The following SYN2 variants were observed in gnomAD, a reference collection of about 807,000 sequenced individuals.
SYN2 encodes the protein synapsin-2.
In SYN2, 19 loss-of-function variants were observed where a neutral mutation model predicts 50.9. The observed-to-expected ratio is 0.37, with a 90% CI of 0.26 to 0.55. The LOEUF (loss-of-function observed/expected upper bound fraction) is 0.55. Ranked by LOEUF, SYN2 falls within the 20% of genes least tolerant of loss-of-function variation. SYN2 has a pLI of 0.81. For synonymous variants in SYN2, 255 were observed against 224.9 expected (o/e 1.13, Z -1.20); for missense variants, 587 against 576.4 (o/e 1.02, Z -0.19).
chr3:12,128,374 A>G (rs974196828), intron 1 of SYN2, among the ~76,000 whole-genome samples: 3 of 152,124 alleles, frequency 2.0e-5, no homozygotes, highest in African/African-American at 4.8e-5. Context: ...TTCAATTTGG[A>G]GGAGAGTTAC....
intron 1 of SYN2, among the ~76,000 whole-genome samples, chr3:12,099,691 G>A (rs1182720811): frequency 1.3e-5 from 2 of 152,052 alleles, no homozygotes; most frequent in African/African-American, 4.8e-5. Flanking sequence ...TAGGCTGGGC[G>A]CAATGGCTCA....
At chr3:12,077,661 T>A (rs1695499799) in intron 1 of SYN2, among the ~76,000 whole-genome samples, 1 of 152,214 alleles carries the variant, frequency 6.6e-6, no homozygotes, top group East Asian at 1.9e-4. Flanking sequence ...TATTCCTTTC[T>A]ATGCTTGCAT....
intron 1 of SYN2, among the ~76,000 whole-genome samples, chr3:12,126,670 T>C (rs888910947): frequency 6.6e-6 from 1 of 152,242 alleles, no homozygotes; most frequent in Admixed American, 6.5e-5. Context: ...AGTAGTTGTA[T>C]GACCTTGAAC....
intron 11 of SYN2, chr3:12,185,225 ATAAAG>A (rs1327396503): frequency 5.1e-6 from 5 of 985,766 alleles, no homozygotes; most frequent in African/African-American, 1.7e-5. Context: ...AAACGATAGA[ATAAAG>A]TAACATTTCC....
rs572583206 is a variant in SYN2, at chr3:12,039,690, A to G, written c.377+34762A>G. On this transcript the variant is annotated intron_variant, in intron 1 of 12. Coordinates refer to ENST00000621198, the MANE Select transcript of SYN2 (RefSeq NM_133625.6). ...GCCATGAGTTATTTCTGATAAAGGT[A>G]GCTTTATGTATGTAGTAACAGAATT... 2.6e-5 allele frequency among the ~76,000 whole-genome samples: 4 copies of G among 151,532 alleles called. No individual in the cohort carries two copies. In the East Asian group the frequency reaches 7.8e-4, roughly 30 times the overall value.
intron 1 of SYN2, among the ~76,000 whole-genome samples, chr3:12,139,238 C>T (rs556121071): frequency 6.6e-6 from 1 of 152,198 alleles, no homozygotes; most frequent in Non-Finnish European, 1.5e-5. Flanking sequence ...AGGAAACAGC[C>T]TGGCCTCGTC....
chr3:12,087,908 C>G (rs1212039265), intron 1 of SYN2, among the ~76,000 whole-genome samples: 1 of 150,794 alleles, frequency 6.6e-6, no homozygotes, highest in Admixed American at 6.6e-5. Flanking sequence ...ACCTTTATCT[C>G]ACATCATATA....
intron 10 of SYN2, among the ~76,000 whole-genome samples, chr3:12,170,610 T>TC (rs142108131): frequency 0.012 from 1,800 of 152,246 alleles, 43 homozygotes; most frequent in African/African-American, 0.041. Context: ...TTCAAAAGTA[T>TC]CCCCAAAGTC....
chr3:12,118,749 G>C (rs1262642806), intron 1 of SYN2, among the ~76,000 whole-genome samples: 1 of 152,060 alleles, frequency 6.6e-6, no homozygotes, highest in Non-Finnish European at 1.5e-5. Context: ...CTTGGCAAAA[G>C]TTTAACACAG....
rs781269513 is a variant in SYN2, at chr3:12,162,117, C to T, written c.943C>T (p.Arg315Trp). 7.4e-6 allele frequency: 12 copies of T among 1,613,954 alleles called. No individual in the cohort carries two copies. The highest frequency in any genetic ancestry group is 2.7e-5 in the African/African-American group (2 of 74,890). The change falls in exon 7 of 13, where the codon CGG becomes TGG. Residue 315 changes from arginine to tryptophan, a missense_variant. Transcript: ENST00000621198. ...EPFIDSKYDI[R>W]VQKIGNNYKA... ...TTTCATTGACTCCAAGTATGACATC[C>T]GGGTCCAGAAGATTGGCAACAACTA...
intron 5 of SYN2, 87 bp downstream of exon 5, chr3:12,151,413 C>G (rs1697288677): frequency 2.0e-6 from 2 of 1,011,024 alleles, no homozygotes; most frequent in African/African-American, 1.6e-5. Flanking sequence ...TGAAAAGGGC[C>G]TCAGCATCTC....
chr3:12,044,275 A>G (rs1694690482), intron 1 of SYN2, among the ~76,000 whole-genome samples: 1 of 152,094 alleles, frequency 6.6e-6, no homozygotes, highest in South Asian at 2.1e-4. Context: ...GAACATGAAT[A>G]GCATGAGCAA....
Position 12,191,519 on chromosome 3 carries a change from T to C in SYN2, c.*894T>C, listed in dbSNP as rs146927643. ...GAGTGTAGGGAGTGAAAAATCTAGG[T>C]GTGTGAAGCTGTTTGTGTCAGTTTG... On this transcript the variant is annotated 3_prime_UTR_variant, in exon 13 of 13. Transcript: ENST00000621198. 5.3e-3 allele frequency: 812 copies of C among 152,176 alleles called. 2 individuals are homozygous for C. The highest frequency in any genetic ancestry group is 0.02 in the Middle Eastern group (6 of 296). The allele number at this position is 152,176 out of a possible 1,614,324, so 9.4% of individuals were successfully genotyped here. A position where few individuals can be genotyped will look rare whatever the true frequency, so the allele number is the denominator to read the frequency against.
At chr3:12,070,757 C>G in intron 1 of SYN2, 1 of 725,216 alleles carries the variant, frequency 1.4e-6, no homozygotes, top group African/African-American at 1.8e-5. Context: ...CTCCCCCATG[C>G]CGTCCTGCAT....
At chr3:12,063,815 A>G (rs1695159472) in intron 1 of SYN2, among the ~76,000 whole-genome samples, 1 of 151,912 alleles carries the variant, frequency 6.6e-6, no homozygotes, top group African/African-American at 2.4e-5. Flanking sequence ...ATAGGTCCAT[A>G]CTGATGCAAA....
rs376509823 is a variant in SYN2, at chr3:12,168,469, C to T, written c.1149C>T (p.Tyr383=). ...KAVHGKDGKD[Y]IFEVMDCSMP... ...TACATGGCAAAGATGGGAAAGACTA[C>T]ATTTTTGAGGTAAGTCTGGACCAAG... The change falls in exon 9 of 13, where the codon TAC becomes TAT. Residue 383 remains tyrosine (Y), a synonymous_variant. Coordinates refer to ENST00000621198, the MANE Select transcript of SYN2 (RefSeq NM_133625.6). 1.9e-6 allele frequency: 3 copies of T among 1,613,508 alleles called. No individual in the cohort carries two copies. The highest frequency in any genetic ancestry group is 2.7e-5 in the African/African-American group (2 of 74,916).
rs181733585 is a variant in SYN2 at position 12,164,937 on chromosome 3, G to T, written c.981-2297G>T. ...AGAGGTCATAGAGGTTATGGGACTG[G>T]CTTGAAACCAATTATATGAGGTTCA... On this transcript the variant is annotated intron_variant, in intron 7 of 12. Coordinates refer to ENST00000621198, the MANE Select transcript of SYN2 (RefSeq NM_133625.6). Among the ~76,000 whole-genome samples, 138 of 151,784 alleles carry T rather than the reference G, an allele frequency of 9.1e-4. 1 individual carries two copies. The highest frequency in any genetic ancestry group is 2.4e-3 in the Admixed American group (37 of 15,250).
intron 3 of SYN2, among the ~76,000 whole-genome samples, chr3:12,144,945 C>G (rs1197187767): frequency 2.0e-5 from 3 of 152,164 alleles, no homozygotes; most frequent in Non-Finnish European, 4.4e-5. Context: ...GCACAAGAAT[C>G]TCTTGAACCT....
rs1224470843 is a variant in SYN2 at position 12,028,640 on chromosome 3, T to G, written c.377+23712T>G. ...TCTGATGGCCAGTGATGATAAGCATTTTTTCATGTGTTTTTTGGCTGCATA... is the reference window on the plus strand; with the variant it reads ...TCTGATGGCCAGTGATGATAAGCATGTTTTCATGTGTTTTTTGGCTGCATA... On this transcript the variant is annotated intron_variant, in intron 1 of 12. Transcript: ENST00000621198. Among the ~76,000 whole-genome samples, 2 of 143,938 alleles carry G rather than the reference T, an allele frequency of 1.4e-5. 1 individual carries two copies. Among genetic ancestry groups the G allele is most frequent in the African/African-American group, 5.7e-5 (2 of 35,228 alleles). The allele number at this position is 143,938 out of a possible 152,430, so 94.4% of individuals were successfully genotyped here.
Sources: allele counts gnomAD v4.1 joint callset (sites outside exome capture counted in the v4.1 genomes callset), GRCh38; gene constraint gnomAD v4.1.1; transcripts MANE v1.5; gene names NCBI Gene and HGNC (gene_info 2026-07-23, HGNC 2026-07-21).